RGS7BP: variants seen among roughly 807,000 people sequenced by gnomAD.
The protein encoded by RGS7BP is regulator of G protein signaling 7-binding protein.
A neutral mutation model predicts 31.3 loss-of-function variants in RGS7BP; 9 were observed. The ratio of observed to expected loss-of-function variants is 0.29; its 90% CI spans 0.17 to 0.50. RGS7BP has a LOEUF of 0.50. RGS7BP is among the 20% of genes least tolerant of loss of function. The probability of loss-of-function intolerance (pLI) is 0.98; values close to 1 mark genes in which losing one functional copy is unlikely to be tolerated. For synonymous variants in RGS7BP, 115 were observed against 120.1 expected, an observed-to-expected ratio of 0.96 and a Z score of 0.28; for missense variants, 274 against 322.0, an observed-to-expected ratio of 0.85 and a Z score of 1.14.
Position 64,594,741 on chromosome 5 carries a change from G to A in RGS7BP, c.495G>A (p.Leu165=), listed in dbSNP as rs138916337. The change falls in exon 4 of 6, where the codon TTG becomes TTA. Residue 165 remains leucine, a synonymous_variant. Transcript: ENST00000334025. ...GKEPGGGTKS[L]DCKIEESAET... Reference sequence around the variant, plus strand: ...AACCTGGCGGGGGAACCAAGAGTTTGGATTGCAAAATTGAGGAGAGTGCTG... The same window carrying A: ...AACCTGGCGGGGGAACCAAGAGTTTAGATTGCAAAATTGAGGAGAGTGCTG... 6.2e-7 allele frequency: 1 copy of A among 1,613,712 alleles called. No individual in the cohort carries two copies. Among genetic ancestry groups the A allele is most frequent in the Admixed American group, 1.7e-5 (1 of 59,972 alleles).
intron 5 of RGS7BP, among the ~76,000 whole-genome samples, chr5:64,601,960 T>G (rs1743229489): frequency 1.3e-5 from 2 of 152,224 alleles, no homozygotes; most frequent in Admixed American, 1.3e-4. Flanking sequence ...ATGTTCATTC[T>G]TGCATAGAAT....
chr5:64,551,508 C>T (rs577432431), intron 2 of RGS7BP, among the ~76,000 whole-genome samples: 23 of 151,732 alleles, frequency 1.5e-4, no homozygotes, highest in Admixed American at 2.6e-4. Context: ...AGCCATCAGC[C>T]GGCCTTAGCC....
chr5:64,587,964 C>A (rs1742803181), intron 3 of RGS7BP, among the ~76,000 whole-genome samples: 2 of 152,042 alleles, frequency 1.3e-5, no homozygotes, highest in Non-Finnish European at 2.9e-5. Flanking sequence ...TTTGAACAGA[C>A]ATCCAGGAAT....
At chr5:64,539,881 G>T (rs1455111554) in intron 2 of RGS7BP, 4 of 152,110 alleles carry the variant, frequency 2.6e-5, no homozygotes, top group African/African-American at 7.2e-5. Flanking sequence ...AGTATGATAT[G>T]TAGGTTAAGT....
At chr5:64,571,572 C>T (rs1371055360) in intron 2 of RGS7BP, among the ~76,000 whole-genome samples, 1 of 152,118 alleles carries the variant, frequency 6.6e-6, no homozygotes, top group Non-Finnish European at 1.5e-5. Context: ...CACATCACCA[C>T]CAACATTGGG....
chr5:64,596,102 T>C (rs1381781156), intron 4 of RGS7BP, among the ~76,000 whole-genome samples: 1 of 152,214 alleles, frequency 6.6e-6, no homozygotes, highest in Admixed American at 6.5e-5. Context: ...TAAACATCAG[T>C]GAAACCATTT....
intron 5 of RGS7BP, among the ~76,000 whole-genome samples, chr5:64,603,593 C>T (rs1743276735): frequency 6.6e-6 from 1 of 152,074 alleles, no homozygotes; most frequent in African/African-American, 2.4e-5. Flanking sequence ...TTAAATAAAT[C>T]AAAGAAGGTT....
intron 3 of RGS7BP, among the ~76,000 whole-genome samples, chr5:64,588,717 G>A (rs1322361060): frequency 6.6e-6 from 1 of 151,984 alleles, no homozygotes; most frequent in Non-Finnish European, 1.5e-5. Flanking sequence ...TTATCATAAT[G>A]GAAATACTGA....
chr5:64,602,847 G>A (rs533168164), intron 5 of RGS7BP, among the ~76,000 whole-genome samples: 1 of 152,302 alleles, frequency 6.6e-6, no homozygotes, highest in East Asian at 1.9e-4. Flanking sequence ...GAAAATGGGG[G>A]ATTATTAGGG....
At chr5:64,602,742 G>A (rs562107550) in intron 5 of RGS7BP, among the ~76,000 whole-genome samples, 9 of 152,240 alleles carry the variant, frequency 5.9e-5, no homozygotes, top group East Asian at 3.9e-4. Context: ...TCGGAAAGAC[G>A]CAGAAATTAG....
chr5:64,587,574 G>A (rs1275482675), intron 3 of RGS7BP, among the ~76,000 whole-genome samples: 1 of 152,196 alleles, frequency 6.6e-6, no homozygotes, highest in Admixed American at 6.5e-5. Context: ...GAGACTATCA[G>A]TGCTTGCCCC....
At chr5:64,518,506 T>G (rs925891445) in intron 2 of RGS7BP, among the ~76,000 whole-genome samples, 1 of 152,064 alleles carries the variant, frequency 6.6e-6, no homozygotes, top group Non-Finnish European at 1.5e-5. Flanking sequence ...TCTGATAGGG[T>G]GGTCAAAAAG....
chr5:64,609,629 A>G lies in RGS7BP; in HGVS notation c.*377A>G. 6.2e-6 allele frequency: 1 copy of G among 161,570 alleles called. No homozygotes were observed. The highest frequency in any genetic ancestry group is 1.4e-5 in the Non-Finnish European group (1 of 73,188). 10.0% of individuals were successfully genotyped at this position (161,570 alleles called of 1,614,324 possible). ...AATAGTATATCTATAGCTCTTGCTG[A>G]TCTCATGTTAAAATTTATCGTATAT... On this transcript the variant is annotated 3_prime_UTR_variant, in exon 6 of 6. Coordinates refer to ENST00000334025, the MANE Select transcript of RGS7BP (RefSeq NM_001029875.3).
chr5:64,563,816 CA>C (rs1257062480), intron 2 of RGS7BP, among the ~76,000 whole-genome samples: 3 of 152,166 alleles, frequency 2.0e-5, no homozygotes, highest in Admixed American at 6.5e-5. Flanking sequence ...CTTGGAGTTT[CA>C]AAAATAAGTC....
At chr5:64,556,125 G>C (rs1446340326) in intron 2 of RGS7BP, among the ~76,000 whole-genome samples, 2 of 151,708 alleles carry the variant, frequency 1.3e-5, no homozygotes, top group South Asian at 4.2e-4. Context: ...TCCATCAATC[G>C]GTACATTGCT....
chr5:64,534,509 T>G (rs1386853586), intron 2 of RGS7BP, among the ~76,000 whole-genome samples: 1 of 152,086 alleles, frequency 6.6e-6, no homozygotes, highest in Admixed American at 6.5e-5. Context: ...CCAGCAGAAT[T>G]TGCAGAAGGG....
chr5:64,560,983 G>A (rs1742041937), intron 2 of RGS7BP, among the ~76,000 whole-genome samples: 2 of 152,132 alleles, frequency 1.3e-5, no homozygotes, highest in African/African-American at 2.4e-5. Context: ...AAAAGTTAGA[G>A]AGGGTTCTAT....
chr5:64,542,904 A>G (rs1348992566), intron 2 of RGS7BP, among the ~76,000 whole-genome samples: 1 of 152,170 alleles, frequency 6.6e-6, no homozygotes, highest in Non-Finnish European at 1.5e-5. Context: ...CGACTCTGTG[A>G]AGTCAATGTT....
At chr5:64,523,740 C>T (rs1040403464) in intron 2 of RGS7BP, among the ~76,000 whole-genome samples, 1 of 152,118 alleles carries the variant, frequency 6.6e-6, no homozygotes, top group Non-Finnish European at 1.5e-5. Context: ...AAGACCAAAT[C>T]TTTTTAATTA....
Sources: gnomAD v4.1 joint callset for allele counts (sites outside exome capture counted in the v4.1 genomes callset) on GRCh38, gnomAD v4.1.1 for gene constraint, MANE v1.5 for transcripts, NCBI Gene and HGNC (gene_info 2026-07-23, HGNC 2026-07-21) for gene names.